The following GSAP variants were observed in gnomAD, a reference collection of about 807,000 sequenced individuals.
GSAP encodes gamma-secretase activating protein.
A neutral mutation model predicts 131.7 loss-of-function variants in GSAP; 118 were observed. That is an observed-to-expected ratio of 0.90 (90% CI 0.77 to 1.04). The LOEUF is 1.04. Among genes scored for constraint, GSAP ranks in the 50% least tolerant of loss-of-function variants. The pLI, the probability that GSAP is intolerant of heterozygous loss-of-function variation, is 0.00. For synonymous variants in GSAP, 381 were observed against 363.4 expected (o/e 1.05, Z -0.55); for missense variants, 1,019 against 1,013.2 (o/e 1.01, Z -0.08).
intron 19 of GSAP, among the ~76,000 whole-genome samples, chr7:77,345,884 C>T (rs1791729707): frequency 6.6e-6 from 1 of 152,172 alleles, no homozygotes. Flanking sequence ...CGTGACATCC[C>T]TTTCATTGAA....
chr7:77,385,727 C>A (rs1373110089), intron 6 of GSAP, among the ~76,000 whole-genome samples: 1 of 151,972 alleles, frequency 6.6e-6, no homozygotes, highest in Non-Finnish European at 1.5e-5. Flanking sequence ...CGGGGAAATG[C>A]GCAGCTGAAA....
chr7:77,346,934 A>G (rs914819686), intron 19 of GSAP, among the ~76,000 whole-genome samples: 23 of 69,058 alleles, frequency 3.3e-4, no homozygotes, highest in Admixed American at 4.5e-4. Flanking sequence ...ACCACTCCCC[A>G]CCACCACCCC....
intron 5 of GSAP, among the ~76,000 whole-genome samples, chr7:77,389,301 A>T (rs1011697721): frequency 2.7e-5 from 4 of 149,720 alleles, no homozygotes; most frequent in African/African-American, 1.0e-4. Flanking sequence ...ATATATATAT[A>T]TATTTTTTGT....
chr7:77,388,181 C>T (rs1010020614), intron 5 of GSAP, among the ~76,000 whole-genome samples: 2 of 152,198 alleles, frequency 1.3e-5, no homozygotes, highest in Non-Finnish European at 2.9e-5. Flanking sequence ...TCAATGTGCA[C>T]GGAGTGAAGA....
At position 77,310,862 on chromosome 7, in the gene GSAP, A is replaced by C. The variant is rs1794280559; in HGVS notation, c.*496T>G. On this transcript the variant is annotated 3_prime_UTR_variant, in exon 31 of 31. Transcript: ENST00000257626. Reference sequence around the variant, plus strand: ...TTCACAAAGACAAACCCTGCTGCAAATACTAAGTACAAATTATTCTGTACT... The same window carrying C: ...TTCACAAAGACAAACCCTGCTGCAACTACTAAGTACAAATTATTCTGTACT... 6.6e-6 allele frequency: 1 copy of C among 152,294 alleles called. No individual in the cohort carries two copies. Among genetic ancestry groups the C allele is most frequent in the African/African-American group, 2.4e-5 (1 of 41,462 alleles). The allele number at this position is 152,294 out of a possible 1,614,324, so 9.4% of individuals were successfully genotyped here. A position where few individuals can be genotyped will look rare whatever the true frequency, so the allele number is the denominator to read the frequency against.
In GSAP at chr7:77,382,399, C is replaced by T. The variant is rs993641457; in HGVS notation, c.526+175G>A. ...CTGAACACAGCCAAAGGGAACACCACTTGGGGGCCAAAGGAAAAGCCCTTC... is the reference window on the plus strand; with the variant it reads ...CTGAACACAGCCAAAGGGAACACCATTTGGGGGCCAAAGGAAAAGCCCTTC... On this transcript the variant is annotated intron_variant, in intron 7 of 30. Coordinates refer to ENST00000257626, the MANE Select transcript of GSAP (RefSeq NM_017439.4). Among the ~76,000 whole-genome samples the T allele has an allele frequency of 5.3e-5, 8 of 152,164 alleles. No homozygotes were observed. The East Asian group carries it at 1.5e-3, about 29-fold the overall frequency.
At chr7:77,324,125 T>C (rs1333080967) in intron 23 of GSAP, among the ~76,000 whole-genome samples, 4 of 152,106 alleles carry the variant, frequency 2.6e-5, no homozygotes, top group Admixed American at 6.5e-5. Context: ...ACTCTATATA[T>C]AGAATGACTG....
intron 5 of GSAP, among the ~76,000 whole-genome samples, chr7:77,391,485 C>T (rs1194817841): frequency 2.6e-5 from 4 of 152,136 alleles, no homozygotes; most frequent in Non-Finnish European, 4.4e-5. Context: ...ATTTACTTCA[C>T]AGCAAATCAC....
intron 27 of GSAP, 133 bp from the exon 28 acceptor site, chr7:77,313,682 C>G (rs1794664869): frequency 8.1e-6 from 4 of 492,982 alleles, no homozygotes; most frequent in Non-Finnish European, 1.1e-5. Flanking sequence ...AATCTAACAG[C>G]ATTTTGGAAA....
intron 1 of GSAP, among the ~76,000 whole-genome samples, chr7:77,410,010 T>C (rs1802995409): frequency 6.6e-6 from 1 of 152,162 alleles, no homozygotes; most frequent in Admixed American, 6.5e-5. Flanking sequence ...GCCCACTCTC[T>C]GGTGTACATG....
chr7:77,410,346 C>T lies in GSAP; in HGVS notation c.110-4241G>A, dbSNP rs1028071064. 2.0e-5 allele frequency among the ~76,000 whole-genome samples: 3 copies of T among 152,142 alleles called. No homozygotes were observed. The East Asian group carries it at 5.8e-4, about 29-fold the overall frequency. Reference sequence around the variant, plus strand: ...ACTATTAAGCCATCGGCTCTTCCTCCCTGGACGAGTTGCCCATGTCTTAAC... The same window carrying T: ...ACTATTAAGCCATCGGCTCTTCCTCTCTGGACGAGTTGCCCATGTCTTAAC... On this transcript the variant is annotated intron_variant, in intron 1 of 30. Coordinates refer to ENST00000257626, the MANE Select transcript of GSAP (RefSeq NM_017439.4).
chr7:77,319,799 T>C (rs1787379848), intron 26 of GSAP, among the ~76,000 whole-genome samples: 1 of 152,170 alleles, frequency 6.6e-6, no homozygotes, highest in Admixed American at 6.5e-5. Context: ...AGATACTGCA[T>C]GATTCCACTT....
intron 3 of GSAP, among the ~76,000 whole-genome samples, chr7:77,403,802 T>C (rs1801785493): frequency 6.6e-6 from 1 of 152,246 alleles, no homozygotes; most frequent in African/African-American, 2.4e-5. Flanking sequence ...CCTCACTTTG[T>C]GGTCCAATAG....
Position 77,395,493 on chromosome 7 carries a change from C to T in GSAP, c.367+1489G>A, listed in dbSNP as rs375364615. Reference sequence around the variant, plus strand: ...CATCTCCTCTGAAGCAAGCCCTGCACTTAATTCTAAAAGGAGCAGAGAGTG... The same window carrying T: ...CATCTCCTCTGAAGCAAGCCCTGCATTTAATTCTAAAAGGAGCAGAGAGTG... On this transcript the variant is annotated intron_variant, in intron 5 of 30. Transcript: ENST00000257626. Among the ~76,000 whole-genome samples the T allele has an allele frequency of 9.9e-5, 15 of 152,142 alleles. No homozygotes were observed. In the East Asian group the frequency reaches 1.7e-3, roughly 18 times the overall value.
At chr7:77,405,962 G>C in intron 2 of GSAP, 67 bp downstream of exon 2, 1 of 593,926 alleles carries the variant, frequency 1.7e-6, no homozygotes, top group South Asian at 2.2e-5. Flanking sequence ...TCTGTAAAAA[G>C]AGAATATAAA....
chr7:77,360,843 GC>G lies in GSAP; in HGVS notation c.1007del (p.Gly336AlafsTer30). On this transcript the variant is annotated frameshift_variant, in exon 14 of 31. Transcript: ENST00000257626. LOFTEE classifies it high-confidence loss of function. ...LENVGSHMTK[G>X]ITFLNLDYYV... is the part of the protein sequence containing the mutation. Reference sequence around the variant, plus strand: ...ACTCACCAAGGTTGAGAAAAGTAATGCCCTTTGTCATGTGTGACCCAACATT... The same window carrying G: ...ACTCACCAAGGTTGAGAAAAGTAATGCCTTTGTCATGTGTGACCCAACATT... 1 of 1,590,712 alleles carries G rather than the reference GC, an allele frequency of 6.3e-7. No individual in the cohort carries two copies. Among genetic ancestry groups the G allele is most frequent in the Non-Finnish European group, 8.6e-7 (1 of 1,159,138 alleles).
intron 19 of GSAP, among the ~76,000 whole-genome samples, chr7:77,349,035 ATCT>A (rs1792353042): frequency 6.6e-6 from 1 of 152,234 alleles, no homozygotes; most frequent in Non-Finnish European, 1.5e-5. Flanking sequence ...TCTAAAGATC[ATCT>A]ACAAGACCTC....
chr7:77,343,672 A>G (rs1461355279), intron 19 of GSAP, among the ~76,000 whole-genome samples: 5 of 152,084 alleles, frequency 3.3e-5, no homozygotes, highest in African/African-American at 9.7e-5. Flanking sequence ...TCTCCTTCTC[A>G]TCGGTCACTT....
chr7:77,339,349 G>T (rs1790537318), intron 19 of GSAP, among the ~76,000 whole-genome samples: 1 of 152,154 alleles, frequency 6.6e-6, no homozygotes, highest in Non-Finnish European at 1.5e-5. Context: ...CCTGATTAGA[G>T]TCTCCCATGC....
Sources: gnomAD v4.1 joint callset for allele counts (sites outside exome capture counted in the v4.1 genomes callset) on GRCh38, gnomAD v4.1.1 for gene constraint, MANE v1.5 for transcripts, NCBI Gene and HGNC (gene_info 2026-07-23, HGNC 2026-07-21) for gene names.